PCBP3: variants seen among roughly 807,000 people sequenced by gnomAD.
PCBP3 encodes the protein poly(rC)-binding protein 3.
Under a neutral mutation model 52.7 loss-of-function variants are expected in PCBP3, and 25 were observed. The ratio of observed to expected loss-of-function variants is 0.47; its 90% CI spans 0.35 to 0.66. PCBP3 has a LOEUF of 0.66. PCBP3 is among the 30% of genes least tolerant of loss of function. The pLI is 0.01. For missense variants in PCBP3, 391 were observed against 490.3 expected (o/e 0.80, Z 1.91); for synonymous variants, 162 against 183.0 (o/e 0.89, Z 0.93).
At chr21:45,907,932 C>T (rs1315563869) in intron 9 of PCBP3, among the ~76,000 whole-genome samples, 1 of 151,720 alleles carries the variant, frequency 6.6e-6, no homozygotes, top group Non-Finnish European at 1.5e-5. Context: ...GGTTTGTTGC[C>T]GACGTCTGCC....
At chr21:45,718,389 T>C (rs2084373344) in intron 2 of PCBP3, among the ~76,000 whole-genome samples, 1 of 151,976 alleles carries the variant, frequency 6.6e-6, no homozygotes, top group South Asian at 2.1e-4. Context: ...TAGTTTTCTC[T>C]TGTTTTACTA....
chr21:45,835,606 G>T (rs2093566138), intron 4 of PCBP3, among the ~76,000 whole-genome samples: 1 of 152,234 alleles, frequency 6.6e-6, no homozygotes, highest in South Asian at 2.1e-4. Context: ...CACATGGTGT[G>T]CTGGGCCTGT....
At chr21:45,720,429 A>G (rs1261125108) in intron 2 of PCBP3, among the ~76,000 whole-genome samples, 2 of 152,216 alleles carry the variant, frequency 1.3e-5, no homozygotes, top group Admixed American at 1.3e-4. Flanking sequence ...ATAGTATTCC[A>G]TGGTATATAT....
At chr21:45,646,892 T>C (rs888828671) in intron 1 of PCBP3, among the ~76,000 whole-genome samples, 2 of 152,242 alleles carry the variant, frequency 1.3e-5, no homozygotes, top group African/African-American at 4.8e-5. Flanking sequence ...GGGATCTGTT[T>C]ATGTGTTGGG....
intron 2 of PCBP3, among the ~76,000 whole-genome samples, chr21:45,670,385 T>C (rs961871941): frequency 6.6e-6 from 1 of 152,228 alleles, no homozygotes; most frequent in Non-Finnish European, 1.5e-5. Flanking sequence ...TTTGTAGATA[T>C]GTTTTTGTTT....
chr21:45,835,318 G>A (rs2093557790), intron 4 of PCBP3, among the ~76,000 whole-genome samples: 1 of 152,156 alleles, frequency 6.6e-6, no homozygotes, highest in Non-Finnish European at 1.5e-5. Context: ...CACTCCGGAG[G>A]CTTAGCAGCA....
intron 5 of PCBP3, among the ~76,000 whole-genome samples, chr21:45,854,558 G>C (rs1011146521): frequency 3.3e-5 from 5 of 151,832 alleles, no homozygotes; most frequent in Admixed American, 2.6e-4. Context: ...CTGTCTTCAG[G>C]GTTCATCTAC....
At chr21:45,686,293 C>A in intron 2 of PCBP3, among the ~76,000 whole-genome samples, 1 of 152,102 alleles carries the variant, frequency 6.6e-6, no homozygotes, top group Non-Finnish European at 1.5e-5. Context: ...ATGGAGCATC[C>A]CTCCTGAACC....
intron 5 of PCBP3, among the ~76,000 whole-genome samples, chr21:45,888,395 A>G (rs1277413576): frequency 6.6e-6 from 1 of 152,212 alleles, no homozygotes; most frequent in Non-Finnish European, 1.5e-5. Flanking sequence ...CCTTGCATTT[A>G]TGGGTGCCCG....
intron 4 of PCBP3, among the ~76,000 whole-genome samples, chr21:45,807,250 C>A (rs2092535608): frequency 6.6e-6 from 1 of 152,200 alleles, no homozygotes; most frequent in Non-Finnish European, 1.5e-5. Context: ...GTCAAATTGT[C>A]TCTGTTTGCA....
chr21:45,818,442 A>T (rs902511782), intron 4 of PCBP3, among the ~76,000 whole-genome samples: 1 of 152,206 alleles, frequency 6.6e-6, no homozygotes, highest in Non-Finnish European at 1.5e-5. Flanking sequence ...GAAGAGCTCC[A>T]CTGCCCCCAT....
chr21:45,823,046 C>T (rs1435351689), intron 4 of PCBP3, among the ~76,000 whole-genome samples: 2 of 152,200 alleles, frequency 1.3e-5, no homozygotes, highest in African/African-American at 4.8e-5. Context: ...TCGGTCTGTG[C>T]AACCTAAGGG....
At chr21:45,886,922 C>A in intron 5 of PCBP3, among the ~76,000 whole-genome samples, 1 of 152,214 alleles carries the variant, frequency 6.6e-6, no homozygotes, top group East Asian at 1.9e-4. Flanking sequence ...GCTCTGTACG[C>A]GGCCTTTGCT....
At chr21:45,723,740 T>C (rs1231345230) in intron 2 of PCBP3, among the ~76,000 whole-genome samples, 2 of 152,214 alleles carry the variant, frequency 1.3e-5, no homozygotes, top group African/African-American at 4.8e-5. Flanking sequence ...GCAGGTTGGA[T>C]GCCAGGCCCG....
chr21:45,698,609 C>T (rs917067427), intron 2 of PCBP3, among the ~76,000 whole-genome samples: 4 of 152,220 alleles, frequency 2.6e-5, no homozygotes, highest in Non-Finnish European at 5.9e-5. Context: ...GCACTCATTC[C>T]AGAAGAGCTC....
At chr21:45,700,873 A>G (rs1238047822) in intron 2 of PCBP3, among the ~76,000 whole-genome samples, 2 of 152,132 alleles carry the variant, frequency 1.3e-5, no homozygotes, top group Non-Finnish European at 1.5e-5. Context: ...GCAGCCTTTC[A>G]GTGGAGAGCT....
chr21:45,906,668 G>T (rs2096216551), intron 9 of PCBP3, among the ~76,000 whole-genome samples: 1 of 152,168 alleles, frequency 6.6e-6, no homozygotes, highest in South Asian at 2.1e-4. Context: ...TGAGGCAGGG[G>T]TCTGCCCAGA....
intron 4 of PCBP3, among the ~76,000 whole-genome samples, chr21:45,826,023 G>C (rs1344222642): frequency 6.6e-6 from 1 of 152,236 alleles, no homozygotes; most frequent in Non-Finnish European, 1.5e-5. Context: ...TGTAATCCCA[G>C]CATTTTGGGA....
At chr21:45,884,488 T>C (rs900826586) in intron 5 of PCBP3, among the ~76,000 whole-genome samples, 15 of 152,222 alleles carry the variant, frequency 9.9e-5, no homozygotes, top group East Asian at 7.7e-4. Context: ...TATACACATG[T>C]ATACATACAC....
Sources: allele counts gnomAD v4.1 joint callset (sites outside exome capture counted in the v4.1 genomes callset), GRCh38; gene constraint gnomAD v4.1.1; transcripts MANE v1.5; gene names NCBI Gene and HGNC (gene_info 2026-07-23, HGNC 2026-07-21).